Variants in RB1CC1 observed in about 807,000 individuals in gnomAD.
RB1CC1 encodes RB1-inducible coiled-coil protein 1.
A neutral mutation model predicts 177.5 loss-of-function variants in RB1CC1; 46 were observed. That is an observed-to-expected ratio of 0.26 (90% CI 0.20 to 0.33). The LOEUF (loss-of-function observed/expected upper bound fraction) is 0.33, where lower values mean the gene tolerates loss of function less well. Ranked by LOEUF, RB1CC1 falls within the 10% of genes least tolerant of loss-of-function variation. RB1CC1 has a pLI of 1.00. For synonymous variants in RB1CC1, 666 were observed against 613.6 expected, an observed-to-expected ratio of 1.09 and a Z score of -1.26; for missense variants, 1,703 against 1,816.3, an observed-to-expected ratio of 0.94 and a Z score of 1.13.
chr8:52,623,378 C>A lies in RB1CC1; in HGVS notation c.*404G>T. 1 of 298,792 alleles carries A rather than the reference C, an allele frequency of 3.3e-6. No individual in the cohort carries two copies. The highest frequency in any genetic ancestry group is 3.0e-5 in the South Asian group (1 of 33,034). 18.5% of individuals were successfully genotyped at this position (298,792 alleles called of 1,614,324 possible). ...GAATGTGTTAAAGAGTGCAAGTATTCTGATACTGATTTCACAAAAGGACAA... is the reference window on the plus strand; with the variant it reads ...GAATGTGTTAAAGAGTGCAAGTATTATGATACTGATTTCACAAAAGGACAA... On this transcript the variant is annotated 3_prime_UTR_variant, in exon 24 of 24. Coordinates refer to ENST00000025008, the MANE Select transcript of RB1CC1 (RefSeq NM_014781.5).
rs549922360 is a variant in RB1CC1, at chr8:52,685,200, C to T, written c.71+199G>A. Among the ~76,000 whole-genome samples the T allele has an allele frequency of 2.9e-4, 44 of 152,146 alleles. 1 individual carries two copies. Among genetic ancestry groups the T allele is most frequent in the African/African-American group, 9.4e-4 (39 of 41,514 alleles). Reference sequence around the variant, plus strand: ...TGTATTTTTAGTAGGAACGGGGTTTCACCATGTTGGCCAGGATGGTCTCGA... The same window carrying T: ...TGTATTTTTAGTAGGAACGGGGTTTTACCATGTTGGCCAGGATGGTCTCGA... On this transcript the variant is annotated intron_variant, in intron 3 of 23. Transcript: ENST00000025008.
chr8:52,694,580 G>A (rs1855204949), intron 1 of RB1CC1, among the ~76,000 whole-genome samples: 1 of 152,212 alleles, frequency 6.6e-6, no homozygotes, highest in South Asian at 2.1e-4. Context: ...CCTTTAGAGA[G>A]AAAGTGTGTG....
chr8:52,638,456 G>A (rs1021788480), intron 18 of RB1CC1, among the ~76,000 whole-genome samples: 1 of 152,066 alleles, frequency 6.6e-6, no homozygotes, highest in Non-Finnish European at 1.5e-5. Flanking sequence ...TTTGGTATTA[G>A]TATATAATAC....
At chr8:52,661,374 G>T (rs1851608272) in intron 9 of RB1CC1, 93 bp from the exon 10 acceptor site, 2 of 1,509,010 alleles carry the variant, frequency 1.3e-6, no homozygotes, top group African/African-American at 1.4e-5. Flanking sequence ...TTAAGCCAAA[G>T]AAATCAAGAT....
chr8:52,684,009 C>A lies in RB1CC1; in HGVS notation c.76G>T (p.Ala26Ser). The change falls in exon 4 of 24, where the codon GCA (alanine) becomes TCA (serine). Residue 26 changes from alanine (A) to serine (S), a missense_variant. Ala to Ser is a moderately conservative substitution (Grantham distance 99, BLOSUM62 1). Transcript: ENST00000025008. ...CTTTGAATGGCATGCTTAAGGTCTG[C>A]CACACTTCAAAAAATGAAATAAAAT... ...FDTELTVQTV[A>S]DLKHAIQSKY... is the part of the protein sequence containing the mutation. 2 of 1,609,946 alleles carry A rather than the reference C, an allele frequency of 1.2e-6. No individual in the cohort carries two copies. The highest frequency in any genetic ancestry group is 1.7e-5 in the Admixed American group (1 of 58,828).
chr8:52,686,426 G>A (rs1312043233), intron 2 of RB1CC1, among the ~76,000 whole-genome samples: 1 of 152,104 alleles, frequency 6.6e-6, no homozygotes, highest in Non-Finnish European at 1.5e-5. Flanking sequence ...CATGCCTGTG[G>A]TCCTAGCAAC....
At chr8:52,634,372 A>C (rs1848975620) in intron 20 of RB1CC1, among the ~76,000 whole-genome samples, 1 of 152,054 alleles carries the variant, frequency 6.6e-6, no homozygotes, top group South Asian at 2.1e-4. Flanking sequence ...ATTATGTAAA[A>C]ATTAGCCGGG....
At chr8:52,657,936 A>G in intron 14 of RB1CC1, 28 bp from the exon 15 acceptor site, 1 of 1,612,488 alleles carries the variant, frequency 6.2e-7, no homozygotes, top group Non-Finnish European at 8.5e-7. Flanking sequence ...AGGCTTAAAG[A>G]GCTGCAGGAA....
intron 1 of RB1CC1, among the ~76,000 whole-genome samples, chr8:52,689,428 C>T (rs1282844066): frequency 1.3e-5 from 2 of 152,162 alleles, no homozygotes; most frequent in African/African-American, 4.8e-5. Context: ...AGTCCGTCAA[C>T]CTCCATGCTG....
intron 20 of RB1CC1, among the ~76,000 whole-genome samples, chr8:52,632,694 A>C (rs889478855): frequency 2.0e-5 from 3 of 152,200 alleles, no homozygotes; most frequent in Non-Finnish European, 2.9e-5. Context: ...AAAGAAAATA[A>C]ATCTTGGGAA....
intron 16 of RB1CC1, chr8:52,643,337 G>A (rs1305966262): frequency 6.6e-6 from 1 of 152,202 alleles, no homozygotes; most frequent in African/African-American, 2.4e-5. Context: ...CTGCCTGCAT[G>A]GATCTCATGA....
At chr8:52,688,821 G>T (rs145233640) in intron 1 of RB1CC1, among the ~76,000 whole-genome samples, 1,840 of 152,164 alleles carry the variant, frequency 0.012, 44 homozygotes, top group African/African-American at 0.043. Context: ...TGTCGCCCCC[G>T]GCGGCCCAGC....
chr8:52,652,470 A>G (rs1176157063), intron 15 of RB1CC1, among the ~76,000 whole-genome samples: 1 of 151,942 alleles, frequency 6.6e-6, no homozygotes, highest in Admixed American at 6.6e-5. Flanking sequence ...AAAAAAAAAA[A>G]AAAAAAAAAG....
In RB1CC1 at chr8:52,635,358, T is replaced by C. The variant is rs553741438; in HGVS notation, c.4393-390A>G. Reference sequence around the variant, plus strand: ...AGGAAATCACATAACCCTTTCATAATAGAAAACATGCTATATTCAAATGAA... The same window carrying C: ...AGGAAATCACATAACCCTTTCATAACAGAAAACATGCTATATTCAAATGAA... On this transcript the variant is annotated intron_variant, in intron 19 of 23. Coordinates refer to ENST00000025008, the MANE Select transcript of RB1CC1 (RefSeq NM_014781.5). Among the ~76,000 whole-genome samples, 5 of 152,272 alleles carry C rather than the reference T, an allele frequency of 3.3e-5. No individual in the cohort carries two copies. In the South Asian group the frequency reaches 6.2e-4, roughly 19 times the overall value.
chr8:52,676,174 A>G (rs1188204118), intron 6 of RB1CC1, among the ~76,000 whole-genome samples, 195 bp downstream of exon 6: 1 of 152,178 alleles, frequency 6.6e-6, no homozygotes, highest in Admixed American at 6.5e-5. Context: ...TGGGAGACTC[A>G]TACATGTAAA....
chr8:52,707,432 C>CTTTTTTTTTTTTTTTTTTTTT (rs386412758), intron 1 of RB1CC1, among the ~76,000 whole-genome samples: 3 of 128,840 alleles, frequency 2.3e-5, no homozygotes, highest in Non-Finnish European at 1.6e-5. Context: ...TTCTTTCTTT[C>CTTTTTTTTTTTTTTTTTTTTT]TTTTTTTTTT....
intron 1 of RB1CC1, among the ~76,000 whole-genome samples, chr8:52,691,996 T>C (rs1276015246): frequency 6.6e-6 from 1 of 152,268 alleles, no homozygotes; most frequent in Non-Finnish European, 1.5e-5. Flanking sequence ...CATGACTTCA[T>C]TTATCATTAC....
At chr8:52,645,129 C>A (rs1295822280) in intron 16 of RB1CC1, among the ~76,000 whole-genome samples, 1 of 152,146 alleles carries the variant, frequency 6.6e-6, no homozygotes, top group African/African-American at 2.4e-5. Flanking sequence ...ACAAGCACTA[C>A]CTCTTACTAT....
chr8:52,642,199 C>CA (rs1484635260), intron 18 of RB1CC1, 152 bp downstream of exon 18: 3 of 1,040,200 alleles, frequency 2.9e-6, no homozygotes, highest in Non-Finnish European at 4.1e-6. Flanking sequence ...AATGTTTTCT[C>CA]ACACTTACAG....
Sources: gnomAD v4.1 joint callset for allele counts (sites outside exome capture counted in the v4.1 genomes callset) on GRCh38, gnomAD v4.1.1 for gene constraint, MANE v1.5 for transcripts, NCBI Gene and HGNC (gene_info 2026-07-23, HGNC 2026-07-21) for gene names.